Variants in CLIC5 observed in about 807,000 individuals in gnomAD.
CLIC5 encodes CLIC family member 5.
Under a neutral mutation model 24.7 loss-of-function variants are expected in CLIC5, and 20 were observed. The observed-to-expected ratio is 0.81, with a 90% confidence interval of 0.57 to 1.18. The LOEUF (loss-of-function observed/expected upper bound fraction) is 1.18. Among genes scored for constraint, CLIC5 ranks in the 50% most tolerant of loss-of-function variants. CLIC5 has a pLI of 0.00. For missense variants in CLIC5, 341 were observed against 326.1 expected, an observed-to-expected ratio of 1.05 and a Z score of -0.35; for synonymous variants, 159 against 135.6, an observed-to-expected ratio of 1.17 and a Z score of -1.20.
At chr6:45,922,654 C>T (rs1763309136) in intron 4 of CLIC5, among the ~76,000 whole-genome samples, 1 of 152,144 alleles carries the variant, frequency 6.6e-6, no homozygotes, top group Admixed American at 6.5e-5. Flanking sequence ...GGTAGGGACT[C>T]CAGATCCAAA....
At chr6:46,000,840 TG>T (rs1400889435) in intron 1 of CLIC5, among the ~76,000 whole-genome samples, 4 of 152,164 alleles carry the variant, frequency 2.6e-5, no homozygotes, top group African/African-American at 4.8e-5. Flanking sequence ...CAATTCAAGG[TG>T]AGATTTGGGT....
intron 1 of CLIC5, among the ~76,000 whole-genome samples, chr6:46,070,161 A>T (rs1015465355): frequency 1.3e-5 from 2 of 152,238 alleles, no homozygotes; most frequent in Non-Finnish European, 2.9e-5. Context: ...GAAAACCAGC[A>T]CAAGACAAGA....
At chr6:46,101,760 T>C in the CLIC5 span, among the ~76,000 whole-genome samples, 1 of 152,238 alleles carries the variant, frequency 6.6e-6, no homozygotes, top group Non-Finnish European at 1.5e-5. Flanking sequence ...AGGGGCTCAA[T>C]CTAAACCAAC....
At chr6:45,928,729 C>T (rs561169443) in intron 4 of CLIC5, among the ~76,000 whole-genome samples, 18 of 151,662 alleles carry the variant, frequency 1.2e-4, no homozygotes, top group African/African-American at 3.4e-4. Flanking sequence ...TGGCCTTTGC[C>T]AGTACATAAG....
chr6:45,928,610 GATATTGTGTCCCATCATGAAT>G (rs1318006313), intron 4 of CLIC5, among the ~76,000 whole-genome samples: 10 of 152,296 alleles, frequency 6.6e-5, no homozygotes, highest in African/African-American at 2.2e-4. Flanking sequence ...TGCTTAGTGG[GATATTGTGTCCCATCATGAAT>G]ATATTGTGTC....
chr6:46,121,339 C>T, the CLIC5 span, among the ~76,000 whole-genome samples: 103 of 144,872 alleles, frequency 7.1e-4, no homozygotes, highest in South Asian at 9.8e-3. Flanking sequence ...CTAAGCTTCA[C>T]AAGTGAAGGA....
chr6:46,045,825 AC>A, intron 1 of CLIC5, among the ~76,000 whole-genome samples: 1 of 152,356 alleles, frequency 6.6e-6, no homozygotes, highest in South Asian at 2.1e-4. Context: ...TTACCAAAAT[AC>A]AGCTATCTTC....
chr6:45,955,107 T>A (rs1561961553), intron 2 of CLIC5, 28 bp downstream of exon 2: 2 of 1,538,208 alleles, frequency 1.3e-6, no homozygotes. Flanking sequence ...CAGCTAAACA[T>A]ACTCCTCATT....
intron 1 of CLIC5, among the ~76,000 whole-genome samples, chr6:46,029,195 C>T (rs1389516157): frequency 6.6e-6 from 1 of 152,124 alleles, no homozygotes; most frequent in East Asian, 1.9e-4. Flanking sequence ...AGAGCAGACA[C>T]TTAACAAGCA....
In CLIC5 at chr6:45,899,403, GGC is replaced by G. The variant is rs1762453221; in HGVS notation, c.*3683_*3684del. 1 of 152,338 alleles carries G rather than the reference GGC, an allele frequency of 6.6e-6. No homozygotes were observed. Among genetic ancestry groups the G allele is most frequent in the Non-Finnish European group, 1.5e-5 (1 of 68,032 alleles). The allele number at this position is 152,338 out of a possible 1,614,324, so 9.4% of individuals were successfully genotyped here. A position where few individuals can be genotyped will look rare whatever the true frequency, so the allele number is the denominator to read the frequency against. ...TCTTGATTCACCGTGCAGTTGAGATGGCCCCTGGCCAGTGGGAATTGAGGCGA... is the reference window on the plus strand; with the variant it reads ...TCTTGATTCACCGTGCAGTTGAGATGCCCTGGCCAGTGGGAATTGAGGCGA... On this transcript the variant is annotated 3_prime_UTR_variant, in exon 6 of 6. Transcript: ENST00000339561.
At chr6:45,953,487 G>A (rs958211989) in intron 2 of CLIC5, among the ~76,000 whole-genome samples, 1 of 152,120 alleles carries the variant, frequency 6.6e-6, no homozygotes, top group African/African-American at 2.4e-5. Flanking sequence ...GCCTGTTTTA[G>A]ACAGAGGATG....
chr6:46,030,566 C>T (rs916717587), intron 1 of CLIC5, among the ~76,000 whole-genome samples: 1 of 152,030 alleles, frequency 6.6e-6, no homozygotes, highest in African/African-American at 2.4e-5. Flanking sequence ...ATGGACTGCA[C>T]TCCCCAGAAT....
At chr6:45,917,698 A>G (rs559463470) in intron 4 of CLIC5, among the ~76,000 whole-genome samples, 71 of 152,266 alleles carry the variant, frequency 4.7e-4, no homozygotes, top group Non-Finnish European at 1.0e-3. Flanking sequence ...CGCTCTGCCA[A>G]TTCTTTTCCT....
intron 1 of CLIC5, among the ~76,000 whole-genome samples, chr6:46,008,213 C>T (rs1766661375): frequency 6.6e-6 from 1 of 152,146 alleles, no homozygotes; most frequent in South Asian, 2.1e-4. Context: ...GGCTTTTTTG[C>T]TGTCCTATTT....
At chr6:46,088,327 G>A in the CLIC5 span, among the ~76,000 whole-genome samples, 1 of 152,020 alleles carries the variant, frequency 6.6e-6, no homozygotes, top group African/African-American at 2.4e-5. Context: ...CACTGGTATG[G>A]GGACACATGC....
intron 1 of CLIC5, among the ~76,000 whole-genome samples, chr6:46,022,667 T>C (rs867497664): frequency 6.6e-6 from 1 of 152,218 alleles, no homozygotes; most frequent in African/African-American, 2.4e-5. Flanking sequence ...GTCTGTCTAT[T>C]GGTGCTTAGC....
chr6:45,976,721 G>C (rs1266623675), intron 1 of CLIC5, among the ~76,000 whole-genome samples: 4 of 152,190 alleles, frequency 2.6e-5, no homozygotes, highest in African/African-American at 9.7e-5. Flanking sequence ...ATCAAACGTA[G>C]TGATTCTCAG....
chr6:45,903,064 G>C lies in CLIC5; in HGVS notation c.*24C>G, dbSNP rs368110807. ...GGGAGTGGTTGAGTCCTTCTGCAGC[G>C]GGGATGGGGCAAAATGGCTGTGCTC... On this transcript the variant is annotated 3_prime_UTR_variant, in exon 6 of 6. Transcript: ENST00000339561. 6.2e-7 allele frequency: 1 copy of C among 1,613,632 alleles called. No homozygotes were observed. The highest frequency in any genetic ancestry group is 8.5e-7 in the Non-Finnish European group (1 of 1,179,822).
At position 46,049,784 on chromosome 6, in the gene CLIC5, G is replaced by A. The variant is rs116313067; in HGVS notation, c.540+29919C>T. Among the ~76,000 whole-genome samples the A allele has an allele frequency of 5.5e-3, 834 of 152,320 alleles. 8 individuals are homozygous for A. The highest frequency in any genetic ancestry group is 0.019 in the African/African-American group (796 of 41,556). Reference sequence around the variant, plus strand: ...TGACAGGCTATGTAAATAGCCTCAGGCAGAAAGCTCGAGACATAGCAATTC... The same window carrying A: ...TGACAGGCTATGTAAATAGCCTCAGACAGAAAGCTCGAGACATAGCAATTC... On this transcript the variant is annotated intron_variant, in intron 1 of 5. Coordinates refer to the CLIC5 transcript ENST00000185206.
Sources: gnomAD v4.1 joint callset for allele counts (sites outside exome capture counted in the v4.1 genomes callset) on GRCh38, gnomAD v4.1.1 for gene constraint, MANE v1.5 for transcripts, NCBI Gene and HGNC (gene_info 2026-07-23, HGNC 2026-07-21) for gene names.